TAF1: variants seen among roughly 807,000 people sequenced by gnomAD.
TAF1 encodes the protein TATA-box binding protein associated factor 1, also known as transcription initiation factor TFIID subunit 1.
TAF1 carries 2 observed loss-of-function variants against 138.5 expected under a neutral mutation model. That is an observed-to-expected ratio of 0.01 (90% CI 0.01 to 0.05). The LOEUF (loss-of-function observed/expected upper bound fraction) is 0.05, where lower values mean the gene tolerates loss of function less well. Ranked by LOEUF, TAF1 falls within the 10% of genes least tolerant of loss-of-function variation. The pLI is 1.00. For synonymous variants in TAF1, 437 were observed against 503.2 expected (o/e 0.87, Z 1.76); for missense variants, 709 against 1,478.0 (o/e 0.48, Z 8.53).
chrX:71,402,277 T>A (rs1217774747), intron 25 of TAF1, among the ~76,000 whole-genome samples: 2 of 111,417 alleles, frequency 1.8e-5, no homozygotes, highest in African/African-American at 6.5e-5. Flanking sequence ...CCGGCTAATT[T>A]TTGTATTTTT....
Position 71,452,785 on chromosome X carries a change from T to G in TAF1, c.4754-1385T>G, listed in dbSNP as rs374923755. Among the ~76,000 whole-genome samples, 459 of 111,853 alleles carry G rather than the reference T, an allele frequency of 4.1e-3. 3 individuals are homozygous for G. The highest frequency in any genetic ancestry group is 0.012 in the East Asian group (42 of 3,541). ...GCCTGGGCACCATTGAGCACTGAGT[T>G]AACGAGGCTCCGTCTGCAATCCCGG... On this transcript the variant is annotated intron_variant, in intron 32 of 37. Transcript: ENST00000423759.
intron 32 of TAF1, chrX:71,441,623 G>C: frequency 3.4e-6 from 1 of 291,753 alleles, no homozygotes; most frequent in Non-Finnish European, 6.4e-6. Context: ...ATTAACTATA[G>C]TCATTCTACG....
Position 71,377,012 on chromosome X carries a change from G to A in TAF1, c.535G>A (p.Glu179Lys), listed in dbSNP as rs2033526220. The change falls in exon 5 of 38, where the codon GAG (glutamate) becomes AAG (lysine). Residue 179 changes from glutamate (E) to lysine (K), a missense_variant. Glu to Lys is a moderately conservative substitution (Grantham distance 56). This residue lies in a region of TAF1 where 123 missense variants were observed against 161.6 expected (regional missense o/e 0.76). Transcript: ENST00000423759. ...CATTGCCCCTTCCTCTTTGGCCTCA[G>A]AGAAAGTGGACTTCAGTAGTTCCTC... ...SIIAPSSLAS[E>K]KVDFSSSSDS... 20 of 1,211,816 alleles carry A rather than the reference G, an allele frequency of 1.7e-5. No individual in the cohort carries two copies. The highest frequency in any genetic ancestry group is 2.2e-5 in the Non-Finnish European group (20 of 895,611).
chrX:71,413,458 C>G (rs769370779), intron 28 of TAF1, among the ~76,000 whole-genome samples: 2 of 112,105 alleles, frequency 1.8e-5, no homozygotes, highest in South Asian at 7.3e-4. Flanking sequence ...AAAATTTTTG[C>G]ATATGGTTAG....
chrX:71,432,616 T>C (rs770699840), intron 32 of TAF1, among the ~76,000 whole-genome samples: 16 of 110,419 alleles, frequency 1.4e-4, no homozygotes, highest in African/African-American at 4.9e-4. Flanking sequence ...GATTGAGATT[T>C]TGTTTTGTGG....
intron 13 of TAF1, among the ~76,000 whole-genome samples, chrX:71,510,055 A>G (rs766775511): frequency 9.0e-6 from 1 of 111,173 alleles, no homozygotes; most frequent in East Asian, 2.8e-4. Flanking sequence ...TCAGCTACTC[A>G]GGAGGCTGAG....
intron 32 of TAF1, among the ~76,000 whole-genome samples, chrX:71,433,523 CCTT>C (rs780947487): frequency 1.8e-5 from 2 of 111,115 alleles, no homozygotes; most frequent in South Asian, 3.7e-4. Flanking sequence ...AGCAGCATGT[CCTT>C]CTTCTGATTG....
intron 13 of TAF1, among the ~76,000 whole-genome samples, chrX:71,478,499 A>G (rs1317479263): frequency 9.0e-6 from 1 of 110,748 alleles, no homozygotes; most frequent in African/African-American, 3.3e-5. Flanking sequence ...CCTCCAGCCT[A>G]GGTGATAGAG....
chrX:71,407,966 G>A lies in TAF1; in HGVS notation c.4207-8G>A. The A allele has an allele frequency of 1.7e-6, 2 of 1,207,167 alleles. No individual in the cohort carries two copies. Among genetic ancestry groups the A allele is most frequent in the Non-Finnish European group, 2.2e-6 (2 of 893,689 alleles). ...TTGCTGATGTATGGTTCTGGCCCTT[G>A]TTTGCAGACATACCCTTTCCACACT... is the stretch of plus-strand genomic sequence containing the variant. On this transcript the variant is annotated splice_polypyrimidine_tract_variant and splice_region_variant and intron_variant, in intron 27 of 37. Transcript: ENST00000423759.
intron 22 of TAF1, among the ~76,000 whole-genome samples, chrX:71,394,757 G>A (rs759821064): frequency 7.6e-4 from 85 of 111,521 alleles, no homozygotes; most frequent in Non-Finnish European, 1.2e-3. Flanking sequence ...TCAGCCTCCT[G>A]AGTAGCTGGG....
intron 13 of TAF1, among the ~76,000 whole-genome samples, chrX:71,487,317 ATTTTTTT>A (rs60691914): frequency 1.5e-4 from 8 of 55,009 alleles, no homozygotes; most frequent in Admixed American, 6.7e-4. Context: ...TAATGTATGT[ATTTTTTT>A]TTTTTTTTTT....
intron 32 of TAF1, chrX:71,441,861 C>T (rs2037445844): frequency 6.1e-6 from 1 of 164,940 alleles, no homozygotes; most frequent in Non-Finnish European, 1.1e-5. Flanking sequence ...TGTTCCCCAC[C>T]TTGTGTCCAG....
intron 13 of TAF1, among the ~76,000 whole-genome samples, chrX:71,524,970 T>C (rs1033133941): frequency 2.8e-5 from 3 of 106,369 alleles, no homozygotes; most frequent in East Asian, 3.0e-4. Context: ...AATTAATAAG[T>C]GGGGATACAG....
At chrX:71,475,141 A>C (rs1238774320) in intron 13 of TAF1, among the ~76,000 whole-genome samples, 12 of 111,595 alleles carry the variant, frequency 1.1e-4, no homozygotes, top group African/African-American at 3.9e-4. Context: ...GGAGATGTTC[A>C]GTAAGTAGCT....
intron 13 of TAF1, among the ~76,000 whole-genome samples, chrX:71,501,576 T>C (rs1466322588): frequency 9.0e-6 from 1 of 111,543 alleles, no homozygotes; most frequent in African/African-American, 3.3e-5. Context: ...AGAGTTCCGC[T>C]CATGGCTACA....
chrX:71,488,806 C>A (rs903763758), intron 13 of TAF1, among the ~76,000 whole-genome samples: 1 of 110,591 alleles, frequency 9.0e-6, no homozygotes, highest in African/African-American at 3.3e-5. Flanking sequence ...GTGGCTCACA[C>A]CTGTAATCCC....
At chrX:71,485,773 A>G (rs1016759348) in intron 13 of TAF1, among the ~76,000 whole-genome samples, 3 of 110,598 alleles carry the variant, frequency 2.7e-5, no homozygotes, top group African/African-American at 9.9e-5. Flanking sequence ...ATGATTTGCA[A>G]ATATTTCTTC....
At chrX:71,488,063 A>C (rs1035219503) in intron 13 of TAF1, among the ~76,000 whole-genome samples, 2 of 111,210 alleles carry the variant, frequency 1.8e-5, no homozygotes, top group African/African-American at 3.3e-5. Flanking sequence ...GTAGCCTTTT[A>C]ATCTAGGACT....
intron 26 of TAF1, 117 bp downstream of exon 26, chrX:71,406,863 G>C (rs980850657): frequency 2.1e-6 from 1 of 485,669 alleles, no homozygotes; most frequent in Non-Finnish European, 3.3e-6. Context: ...AGAATTATTT[G>C]TACTGTTCAT....
Sources: gnomAD v4.1 joint callset for allele counts (sites outside exome capture counted in the v4.1 genomes callset) on GRCh38, gnomAD v4.1.1 for gene constraint, gnomAD v4.1.1 regional missense constraint, MANE v1.5 for transcripts, NCBI Gene and HGNC (gene_info 2026-07-23, HGNC 2026-07-21) for gene names.